Variants in CEP112 observed in about 807,000 individuals in gnomAD.
The protein encoded by CEP112 is centrosomal protein of 112 kDa.
A neutral mutation model predicts 153.0 loss-of-function variants in CEP112; 127 were observed. The observed-to-expected ratio is 0.83, with a 90% confidence interval of 0.72 to 0.96. The LOEUF (loss-of-function observed/expected upper bound fraction) is 0.96. Among genes scored for constraint, CEP112 ranks in the 40% least tolerant of loss-of-function variants. CEP112 has a pLI of 0.00. For synonymous variants in CEP112, 358 were observed against 374.4 expected, an observed-to-expected ratio of 0.96 and a Z score of 0.51; for missense variants, 1,089 against 1,101.2, an observed-to-expected ratio of 0.99 and a Z score of 0.16.
At chr17:65,807,700 G>GC (rs2145878937) in intron 21 of CEP112, among the ~76,000 whole-genome samples, 1 of 152,346 alleles carries the variant, frequency 6.6e-6, no homozygotes, top group South Asian at 2.1e-4. Flanking sequence ...AAGCCTTGGT[G>GC]GCTTCCACAT....
At chr17:65,896,833 T>C (rs1223514771) in intron 20 of CEP112, among the ~76,000 whole-genome samples, 1 of 152,126 alleles carries the variant, frequency 6.6e-6, no homozygotes, top group Non-Finnish European at 1.5e-5. Flanking sequence ...TTAGATAATA[T>C]GATAAAACTT....
chr17:65,748,045 A>G (rs7222333), intron 22 of CEP112, among the ~76,000 whole-genome samples: 47 of 152,330 alleles, frequency 3.1e-4, no homozygotes, highest in African/African-American at 1.0e-3. Flanking sequence ...CCAACAAACT[A>G]TCACTTAAAT....
At chr17:65,676,980 C>A (rs1389007172) in intron 24 of CEP112, among the ~76,000 whole-genome samples, 1 of 152,164 alleles carries the variant, frequency 6.6e-6, no homozygotes, top group Admixed American at 6.5e-5. Flanking sequence ...AGAAACAGGA[C>A]AAGCATCTGA....
At chr17:65,970,709 CAT>C (rs1342848846) in intron 17 of CEP112, among the ~76,000 whole-genome samples, 1 of 106,198 alleles carries the variant, frequency 9.4e-6, no homozygotes, top group Non-Finnish European at 2.0e-5. Flanking sequence ...CATGCATACA[CAT>C]GACATGTGCC....
At chr17:65,889,893 A>G (rs2059404007) in intron 20 of CEP112, among the ~76,000 whole-genome samples, 1 of 152,126 alleles carries the variant, frequency 6.6e-6, no homozygotes. Context: ...CCCAGGCTCC[A>G]GTCTCACTGC....
rs972715366 is a variant in CEP112 at position 66,173,205 on chromosome 17, T to C, written c.470+1839A>G. Reference sequence around the variant, plus strand: ...ACCTCAAGCTCAATAACAGATGCAATAGACATCAAATTTGGTGTCAGGAAT... The same window carrying C: ...ACCTCAAGCTCAATAACAGATGCAACAGACATCAAATTTGGTGTCAGGAAT... On this transcript the variant is annotated intron_variant, in intron 4 of 26. Coordinates refer to ENST00000535342, the MANE Select transcript of CEP112 (RefSeq NM_001199165.4). Among the ~76,000 whole-genome samples the C allele has an allele frequency of 5.3e-5, 8 of 152,160 alleles. No homozygotes were observed. In the East Asian group the frequency reaches 1.2e-3, roughly 22 times the overall value.
At chr17:65,798,181 T>C (rs2145794756) in intron 21 of CEP112, among the ~76,000 whole-genome samples, 1 of 152,256 alleles carries the variant, frequency 6.6e-6, no homozygotes, top group Non-Finnish European at 1.5e-5. Context: ...CTTTAGGAAT[T>C]GTCAGCCTAT....
intron 23 of CEP112, among the ~76,000 whole-genome samples, chr17:65,690,620 G>GC (rs1353317795): frequency 6.6e-6 from 1 of 152,032 alleles, no homozygotes; most frequent in African/African-American, 2.4e-5. Context: ...GTCCAAGAAG[G>GC]CCCAGCTGGG....
chr17:65,775,532 C>T (rs1425316338), intron 21 of CEP112, among the ~76,000 whole-genome samples: 1 of 151,864 alleles, frequency 6.6e-6, no homozygotes, highest in East Asian at 1.9e-4. Context: ...GATGGAGTCT[C>T]GCTATGTCAT....
At chr17:65,866,496 G>A (rs2058490629) in intron 20 of CEP112, among the ~76,000 whole-genome samples, 1 of 152,228 alleles carries the variant, frequency 6.6e-6, no homozygotes, top group Non-Finnish European at 1.5e-5. Flanking sequence ...CTTCAAGCCA[G>A]GGAGGGACTG....
intron 19 of CEP112, among the ~76,000 whole-genome samples, chr17:65,907,086 CA>C (rs1185090219): frequency 6.6e-6 from 1 of 152,002 alleles, no homozygotes; most frequent in Non-Finnish European, 1.5e-5. Context: ...GAAAAGTAAC[CA>C]AATGAGCTAT....
intron 11 of CEP112, among the ~76,000 whole-genome samples, chr17:66,059,287 T>TA (rs2066828690): frequency 6.6e-6 from 1 of 151,654 alleles, no homozygotes; most frequent in African/African-American, 2.4e-5. Flanking sequence ...GCAACAAAAA[T>TA]AAAAAATGGA....
chr17:65,655,917 G>C (rs2046040470), intron 24 of CEP112, among the ~76,000 whole-genome samples: 1 of 152,178 alleles, frequency 6.6e-6, no homozygotes, highest in African/African-American at 2.4e-5. Flanking sequence ...ATGTGGCCTT[G>C]GGAGGTACTC....
At chr17:65,870,082 A>AAAAG (rs1201998714) in intron 20 of CEP112, among the ~76,000 whole-genome samples, 1 of 73,256 alleles carries the variant, frequency 1.4e-5, no homozygotes, top group African/African-American at 3.8e-5. Flanking sequence ...AGAAAGAAAG[A>AAAAG]AAAGAAAGAA....
chr17:65,829,736 T>C (rs2057001412), intron 21 of CEP112, among the ~76,000 whole-genome samples: 1 of 152,144 alleles, frequency 6.6e-6, no homozygotes, highest in African/African-American at 2.4e-5. Flanking sequence ...ACTACAATGA[T>C]ATTCAATAAT....
chr17:65,750,565 A>G (rs2051764306), intron 22 of CEP112, 97 bp downstream of exon 22: 1 of 965,710 alleles, frequency 1.0e-6, no homozygotes, highest in Non-Finnish European at 1.6e-6. Flanking sequence ...AAAAACTGAA[A>G]AGAATGAAGT....
chr17:65,718,519 C>T (rs959245664), intron 23 of CEP112, among the ~76,000 whole-genome samples: 1 of 152,064 alleles, frequency 6.6e-6, no homozygotes, highest in Non-Finnish European at 1.5e-5. Context: ...TTTCATGAGC[C>T]CCTTAATTTT....
At chr17:66,050,410 G>GA (rs1398855821) in intron 12 of CEP112, among the ~76,000 whole-genome samples, 1 of 152,080 alleles carries the variant, frequency 6.6e-6, no homozygotes, top group Non-Finnish European at 1.5e-5. Flanking sequence ...CAGTTGCCAT[G>GA]GTAAAAACCT....
chr17:65,884,947 C>T (rs2059223219), intron 20 of CEP112, among the ~76,000 whole-genome samples: 1 of 151,934 alleles, frequency 6.6e-6, no homozygotes, highest in Admixed American at 6.6e-5. Flanking sequence ...AACTCCTGAC[C>T]TCAGGTGATC....
Sources: allele counts gnomAD v4.1 joint callset (sites outside exome capture counted in the v4.1 genomes callset), GRCh38; gene constraint gnomAD v4.1.1; transcripts MANE v1.5; gene names NCBI Gene and HGNC (gene_info 2026-07-23, HGNC 2026-07-21).